SNAPC1: variants seen among roughly 807,000 people sequenced by gnomAD.
SNAPC1 encodes snRNA-activating protein complex subunit 1.
A neutral mutation model predicts 50.1 loss-of-function variants in SNAPC1; 42 were observed. The observed-to-expected ratio is 0.84, with a 90% CI of 0.65 to 1.08. The LOEUF (loss-of-function observed/expected upper bound fraction) is 1.08, where lower values mean the gene tolerates loss of function less well. Among genes scored for constraint, SNAPC1 ranks in the 50% least tolerant of loss-of-function variants. The pLI is 0.00. For synonymous variants in SNAPC1, 164 were observed against 144.2 expected (o/e 1.14, Z -0.98); for missense variants, 477 against 427.3 (o/e 1.12, Z -1.02).
At chr14:61,782,775 G>A (rs138077862) in intron 8 of SNAPC1, among the ~76,000 whole-genome samples, 3 of 152,000 alleles carry the variant, frequency 2.0e-5, no homozygotes, top group East Asian at 3.9e-4. Flanking sequence ...GCATGGTAGC[G>A]CATGCCTGTA....
chr14:61,778,665 A>G (rs1044212151), intron 6 of SNAPC1, among the ~76,000 whole-genome samples, 183 bp from the exon 7 acceptor site: 2 of 152,220 alleles, frequency 1.3e-5, no homozygotes, highest in African/African-American at 4.8e-5. Context: ...CACCTGCTAC[A>G]TCTGTGAGAG....
intron 4 of SNAPC1, among the ~76,000 whole-genome samples, chr14:61,769,919 T>G (rs2140175834): frequency 6.6e-6 from 1 of 152,288 alleles, no homozygotes; most frequent in Middle Eastern, 3.4e-3. Context: ...TCAATGATAT[T>G]TCAAAAGAAC....
At position 61,782,397 on chromosome 14, in the gene SNAPC1, G is replaced by A; in HGVS notation, c.976G>A (p.Gly326Ser). 1 of 1,603,888 alleles carries A rather than the reference G, an allele frequency of 6.2e-7. No homozygotes were observed. Reference protein sequence around the residue: ...AGRKMSLRNKGNVQNIHKEDK... With the variant: ...AGRKMSLRNKSNVQNIHKEDK... ...AAGGAAGATGTCTCTCAGAAACAAA[G>A]GTAACTTTTTAAAGTCTTACTAAGA... The change falls in exon 8 of 10, where the codon GGC becomes AGC. Residue 326 changes from glycine (G) to serine (S), a missense_variant and splice_region_variant. Transcript: ENST00000216294.
chr14:61,792,121 A>G (rs953146016), intron 8 of SNAPC1, among the ~76,000 whole-genome samples: 6 of 151,614 alleles, frequency 4.0e-5, no homozygotes, highest in Non-Finnish European at 8.8e-5. Flanking sequence ...AAAAAAAAAA[A>G]GCAAGATATA....
At chr14:61,788,186 T>A (rs1285731134) in intron 8 of SNAPC1, among the ~76,000 whole-genome samples, 1 of 152,200 alleles carries the variant, frequency 6.6e-6, no homozygotes, top group East Asian at 1.9e-4. Context: ...GATTTACCCA[T>A]GAGAAAGAAT....
At chr14:61,762,981 C>CT (rs145378546) in intron 1 of SNAPC1, among the ~76,000 whole-genome samples, 30,335 of 72,138 alleles carry the variant, frequency 0.42, 11,837 homozygotes, top group East Asian at 0.59. Context: ...CCAAAGTTGT[C>CT]TTTTTTTTTT....
intron 7 of SNAPC1, among the ~76,000 whole-genome samples, chr14:61,781,011 T>C (rs1331543687): frequency 6.6e-6 from 1 of 152,166 alleles, no homozygotes; most frequent in Non-Finnish European, 1.5e-5. Context: ...TGATTGAAAG[T>C]ATATGGGAGG....
At chr14:61,773,678 G>T (rs1456361644) in intron 4 of SNAPC1, among the ~76,000 whole-genome samples, 1 of 149,264 alleles carries the variant, frequency 6.7e-6, no homozygotes, top group Non-Finnish European at 1.5e-5. Flanking sequence ...TTGCAGGCGC[G>T]GGCCACCATG....
At chr14:61,765,898 GTTACTT>G (rs1163772293) in intron 1 of SNAPC1, among the ~76,000 whole-genome samples, 1 of 152,160 alleles carries the variant, frequency 6.6e-6, no homozygotes, top group Non-Finnish European at 1.5e-5. Flanking sequence ...AGGAGTGCGG[GTTACTT>G]TGTGCTGTTT....
chr14:61,778,168 G>A (rs1419730967), intron 6 of SNAPC1, 28 bp downstream of exon 6: 3 of 1,383,580 alleles, frequency 2.2e-6, no homozygotes, highest in Non-Finnish European at 3.1e-6. Context: ...TTCATATTAT[G>A]TGTGGCTGTG....
intron 4 of SNAPC1, among the ~76,000 whole-genome samples, chr14:61,771,003 A>C (rs532476289): frequency 5.1e-4 from 77 of 152,200 alleles, no homozygotes; most frequent in South Asian, 2.5e-3. Flanking sequence ...CAGCCTCCCA[A>C]AGTACTGCAA....
rs368380806 is a variant in SNAPC1, at chr14:61,778,921, C to A, written c.825+11C>A. On this transcript the variant is annotated intron_variant, in intron 7 of 9. Transcript: ENST00000216294. ...TCAGTTGTCATACAGGTAAGTTATT[C>A]TTTAATAAGGTAATTTGGAAATTGA... is the stretch of plus-strand genomic sequence containing the variant. 2.4e-5 allele frequency: 34 copies of A among 1,444,454 alleles called. No homozygotes were observed. The highest frequency in any genetic ancestry group is 9.3e-5 in the Admixed American group (4 of 43,120). The allele number at this position is 1,444,454 out of a possible 1,614,324, so 89.5% of individuals were successfully genotyped here. A position where few individuals can be genotyped will look rare whatever the true frequency, so the allele number is the denominator to read the frequency against.
chr14:61,767,019 G>A lies in SNAPC1; in HGVS notation c.272G>A (p.Cys91Tyr). 2 of 1,572,932 alleles carry A rather than the reference G, an allele frequency of 1.3e-6. No individual in the cohort carries two copies. Among genetic ancestry groups the A allele is most frequent in the Non-Finnish European group, 1.7e-6 (2 of 1,158,136 alleles). The change falls in exon 2 of 10, where the codon TGT becomes TAT. Residue 91 changes from cysteine (C) to tyrosine (Y), a missense_variant. Coordinates refer to ENST00000216294, the MANE Select transcript of SNAPC1 (RefSeq NM_003082.4). ...LLYGLYNTQL[C>Y]QPKQKIRVAL... is the part of the protein sequence containing the mutation. ...TATGGATTATATAATACCCAACTGT[G>A]TCAACCAAAACAAAAGGTAATACTT... is the stretch of plus-strand genomic sequence containing the variant.
At chr14:61,764,877 T>TA (rs1465889865) in intron 1 of SNAPC1, among the ~76,000 whole-genome samples, 6 of 152,246 alleles carry the variant, frequency 3.9e-5, no homozygotes, top group Non-Finnish European at 2.9e-5. Flanking sequence ...GTCCTCCTAC[T>TA]ACCCCCTTCC....
At chr14:61,773,654 C>A (rs975305090) in intron 4 of SNAPC1, among the ~76,000 whole-genome samples, 1 of 151,106 alleles carries the variant, frequency 6.6e-6, no homozygotes, top group Non-Finnish European at 1.5e-5. Context: ...CCTCGGCCTC[C>A]CAAAGTGCTG....
chr14:61,762,668 A>C, intron 1 of SNAPC1, 80 bp downstream of exon 1: 1 of 1,537,612 alleles, frequency 6.5e-7, no homozygotes. Flanking sequence ...GCGATATTGC[A>C]CTTGTGAAGG....
intron 7 of SNAPC1, among the ~76,000 whole-genome samples, chr14:61,781,745 A>G (rs888400090): frequency 3.3e-5 from 5 of 152,208 alleles, no homozygotes; most frequent in Admixed American, 2.0e-4. Context: ...TAATAGTTAG[A>G]CAATTCCAAA....
At chr14:61,794,619 A>G (rs1013562099) in intron 9 of SNAPC1, among the ~76,000 whole-genome samples, 1 of 152,160 alleles carries the variant, frequency 6.6e-6, no homozygotes, top group Non-Finnish European at 1.5e-5. Context: ...CATGTTAGCC[A>G]GGATGGTCTC....
Position 61,776,089 on chromosome 14 carries a change from T to G in SNAPC1, c.535-6T>G. On this transcript the variant is annotated splice_polypyrimidine_tract_variant and splice_region_variant and intron_variant, in intron 4 of 9. Transcript: ENST00000216294. The stretch of plus-strand genomic sequence containing the variant: ...AGAAATAAAGGACTCATCTTTTTGC[T>G]TTTAGGAAATGCTGAATGTTCATGA... The G allele has an allele frequency of 6.4e-7, 1 of 1,571,868 alleles. No individual in the cohort carries two copies. Among genetic ancestry groups the G allele is most frequent in the South Asian group, 1.2e-5 (1 of 84,232 alleles).
Sources: gnomAD v4.1 joint callset for allele counts (sites outside exome capture counted in the v4.1 genomes callset) on GRCh38, gnomAD v4.1.1 for gene constraint, MANE v1.5 for transcripts, NCBI Gene and HGNC (gene_info 2026-07-23, HGNC 2026-07-21) for gene names.